Variants in FAM20A observed in about 807,000 individuals in gnomAD.
The protein encoded by FAM20A is FAM20A golgi associated secretory pathway pseudokinase.
FAM20A carries 42 observed loss-of-function variants against 52.0 expected under a neutral mutation model. The ratio of observed to expected loss-of-function variants is 0.81; its 90% confidence interval spans 0.63 to 1.04. FAM20A has a LOEUF of 1.04. FAM20A is among the 50% of genes least tolerant of loss of function. The probability of loss-of-function intolerance (pLI) is 0.00; values close to 1 mark genes in which losing one functional copy is unlikely to be tolerated. For missense variants in FAM20A, 742 were observed against 712.7 expected (o/e 1.04, Z -0.47); for synonymous variants, 304 against 298.9 (o/e 1.02, Z -0.18).
intron 1 of FAM20A, among the ~76,000 whole-genome samples, chr17:68,584,349 A>AAAC (rs139019367): frequency 0.16 from 4,577 of 27,866 alleles, 245 homozygotes; most frequent in African/African-American, 0.32. Context: ...AAACAAAACA[A>AAAC]AAAAAAAACC....
chr17:68,547,117 C>T (rs1193174371), intron 4 of FAM20A, among the ~76,000 whole-genome samples: 3 of 151,960 alleles, frequency 2.0e-5, no homozygotes, highest in African/African-American at 7.3e-5. Flanking sequence ...CTTTGAGGCT[C>T]CATTTAGAGC....
At chr17:68,543,513 TAGAA>T (rs775336241) in intron 5 of FAM20A, 112 bp downstream of exon 5, 54 of 892,448 alleles carry the variant, frequency 6.1e-5, no homozygotes, top group African/African-American at 1.8e-4. Flanking sequence ...ACGAAGAAGA[TAGAA>T]AGCCAGAAGG....
chr17:68,556,416 C>A (rs1036599815), intron 1 of FAM20A, among the ~76,000 whole-genome samples: 1 of 152,130 alleles, frequency 6.6e-6, no homozygotes, highest in Admixed American at 6.6e-5. Flanking sequence ...ATAACCAGAG[C>A]AAAATACAAA....
rs587776914 is a variant in FAM20A at position 68,554,829 on chromosome 17, T to C, written c.590-2A>G. On this transcript the variant is annotated splice_acceptor_variant, in intron 2 of 10. Transcript: ENST00000592554. LOFTEE classifies it high-confidence loss of function. ...AGGCTTTCTCATCTTGACTGTAATC[T>C]GCAAAGGAGGAGAAGGGCAATGAGA... 11 of 1,614,132 alleles carry C rather than the reference T, an allele frequency of 6.8e-6. No individual in the cohort carries two copies. In the East Asian group the frequency reaches 1.3e-4, roughly 20 times the overall value.
rs1335379646 is a variant in FAM20A, at chr17:68,600,617, G to A, written c.50C>T (p.Ala17Val). The change falls in exon 1 of 11, where the codon GCG (alanine) becomes GTG (valine). Residue 17 changes from alanine (A) to valine (V), a missense_variant. Transcript: ENST00000592554. The surrounding 1 kb of genome is among the most constrained non-coding windows in gnomAD (Gnocchi z 6.2). Reference protein sequence around the residue: ...DRLLTLLLLGALLSADLYFHL... With the variant: ...DRLLTLLLLGVLLSADLYFHL... ...GAAGTAGAGGTCGGCGGAGAGCAGC[G>A]CGCCCAGCAGCAGCAGAGTCAGTAG... 1.3e-5 allele frequency: 21 copies of A among 1,562,574 alleles called. No homozygotes were observed. Among genetic ancestry groups the A allele is most frequent in the Non-Finnish European group, 1.6e-5 (19 of 1,158,564 alleles).
intron 4 of FAM20A, among the ~76,000 whole-genome samples, chr17:68,548,209 C>A (rs1162463595): frequency 6.6e-6 from 1 of 152,160 alleles, no homozygotes; most frequent in Non-Finnish European, 1.5e-5. Context: ...GCCTGGCCAA[C>A]ACAGTGAAAC....
At position 68,600,531 on chromosome 17, in the gene FAM20A, A is replaced by ACGGGCACCCCCG; in HGVS notation, c.124_135dup (p.Arg42_Pro45dup). ...GCCAGGGAGGAGGCGCGGCCGGTGC[A>ACGGGCACCCCCG]CGGGCACCCCCGCGGGCGCTCCCGA... On this transcript the variant is annotated inframe_insertion, in exon 1 of 11. Coordinates refer to ENST00000592554, the MANE Select transcript of FAM20A (RefSeq NM_017565.4). The surrounding 1 kb of genome is among the most constrained non-coding windows in gnomAD (Gnocchi z 6.2). 1 of 1,566,448 alleles carries ACGGGCACCCCCG rather than the reference A, an allele frequency of 6.4e-7. No individual in the cohort carries two copies. The highest frequency in any genetic ancestry group is 8.6e-7 in the Non-Finnish European group (1 of 1,156,390).
chr17:68,538,118 T>C (rs905043912), intron 10 of FAM20A, among the ~76,000 whole-genome samples: 1 of 152,260 alleles, frequency 6.6e-6, no homozygotes, highest in African/African-American at 2.4e-5. Flanking sequence ...ATGAGCTATT[T>C]GCTGTCTCAA....
At position 68,600,129 on chromosome 17, in the gene FAM20A, C is replaced by T. The variant is rs1268660386; in HGVS notation, c.404+134G>A. Reference sequence around the variant, plus strand: ...GTTCGGGTGGGGAACACACTCTAAGCCCAGCGCCAGGGCTGGAGCCGTGGG... The same window carrying T: ...GTTCGGGTGGGGAACACACTCTAAGTCCAGCGCCAGGGCTGGAGCCGTGGG... On this transcript the variant is annotated intron_variant, in intron 1 of 10. Coordinates refer to ENST00000592554, the MANE Select transcript of FAM20A (RefSeq NM_017565.4). This position sits in a 1 kb window ranked among gnomAD's most constrained non-coding sequence, Gnocchi z 6.2. The T allele has an allele frequency of 1.8e-6, 2 of 1,082,868 alleles. No homozygotes were observed. The highest frequency in any genetic ancestry group is 2.6e-6 in the Non-Finnish European group (2 of 771,508). 67.1% of individuals were successfully genotyped at this position (1,082,868 alleles called of 1,614,324 possible). A position where few individuals can be genotyped will look rare whatever the true frequency, so the allele number is the denominator to read the frequency against.
In FAM20A at chr17:68,600,160, C is replaced by G; in HGVS notation, c.404+103G>C. The G allele has an allele frequency of 7.4e-7, 1 of 1,356,214 alleles. No individual in the cohort carries two copies. Among genetic ancestry groups the G allele is most frequent in the Non-Finnish European group, 9.9e-7 (1 of 1,012,082 alleles). The allele number at this position is 1,356,214 out of a possible 1,614,324, so 84.0% of individuals were successfully genotyped here. A position where few individuals can be genotyped will look rare whatever the true frequency, so the allele number is the denominator to read the frequency against. On this transcript the variant is annotated intron_variant, in intron 1 of 10. Transcript: ENST00000592554. This position sits in a 1 kb window ranked among gnomAD's most constrained non-coding sequence, Gnocchi z 6.2. ...GCCAGGGCTGGAGCCGTGGGTGGAGCCGCTGCAGCCCTGGGCCGGGGGCGT... is the reference window on the plus strand; with the variant it reads ...GCCAGGGCTGGAGCCGTGGGTGGAGGCGCTGCAGCCCTGGGCCGGGGGCGT...
At chr17:68,585,576 G>A (rs2088144039) in intron 1 of FAM20A, among the ~76,000 whole-genome samples, 1 of 152,070 alleles carries the variant, frequency 6.6e-6, no homozygotes, top group African/African-American at 2.4e-5. Context: ...CACTCAAAGT[G>A]TTTCTGAAAG....
intron 1 of FAM20A, among the ~76,000 whole-genome samples, chr17:68,599,818 TA>T (rs1435504522): frequency 1.3e-5 from 2 of 152,146 alleles, no homozygotes; most frequent in Non-Finnish European, 2.9e-5. Flanking sequence ...AGAGCACAGT[TA>T]AGTGCTGAAT....
intron 10 of FAM20A, among the ~76,000 whole-genome samples, chr17:68,539,022 G>A (rs955207085): frequency 6.6e-6 from 1 of 152,180 alleles, no homozygotes. Context: ...TATGATAACT[G>A]CTTGTAGGCT....
intron 1 of FAM20A, among the ~76,000 whole-genome samples, chr17:68,594,398 CA>C (rs201229338): frequency 0.2 from 24,840 of 125,380 alleles, 2,244 homozygotes; most frequent in East Asian, 0.38. Context: ...GACTCCGTCT[CA>C]AAAAAAAAAA....
intron 1 of FAM20A, among the ~76,000 whole-genome samples, chr17:68,568,592 G>A (rs2087448676): frequency 6.6e-6 from 1 of 151,890 alleles, no homozygotes; most frequent in African/African-American, 2.4e-5. Context: ...GCTTTCTGGA[G>A]ACTCTAGGGG....
rs780660642 is a variant in FAM20A at position 68,539,885 on chromosome 17, C to G, written c.1301G>C (p.Gly434Ala). ...GTTGAACACACGTGGGGAAGCTCAC[C>G]CTCTGGCGTTGTCAAGGTGAATAAG... Reference protein sequence around the residue: ...GFLIHLDNARGFGRHSHDEIS... With the variant: ...GFLIHLDNARAFGRHSHDEIS... The change falls in exon 9 of 11, where the codon GGG (glycine) becomes GCG (alanine). Residue 434 changes from glycine (G) to alanine (A), a missense_variant and splice_region_variant. Transcript: ENST00000592554. The G allele has an allele frequency of 1.7e-5, 28 of 1,613,898 alleles. No homozygotes were observed. The highest frequency in any genetic ancestry group is 2.4e-5 in the Non-Finnish European group (28 of 1,179,908).
In FAM20A at chr17:68,601,206, G is replaced by A. The variant is rs1167804393; in HGVS notation, c.-540C>T. ...TGCCGGCGGCTGGCACGGGCGGCGC[G>A]AGTGGGGAGTTGGCGAAGCAGGAGC... On this transcript the variant is annotated 5_prime_UTR_variant, in exon 1 of 11. Transcript: ENST00000592554. 1 of 152,352 alleles carries A rather than the reference G, an allele frequency of 6.6e-6. No individual in the cohort carries two copies. Among genetic ancestry groups the A allele is most frequent in the Non-Finnish European group, 1.5e-5 (1 of 68,214 alleles). 9.4% of individuals were successfully genotyped at this position (152,352 alleles called of 1,614,324 possible). A position where few individuals can be genotyped will look rare whatever the true frequency, so the allele number is the denominator to read the frequency against.
chr17:68,595,927 C>T (rs1036865901), intron 1 of FAM20A, among the ~76,000 whole-genome samples: 2 of 152,158 alleles, frequency 1.3e-5, no homozygotes, highest in Admixed American at 6.5e-5. Flanking sequence ...AGCTCCTAGA[C>T]GAGGCAATTC....
chr17:68,584,317 A>AAAAACAAAAC (rs908127396), intron 1 of FAM20A, among the ~76,000 whole-genome samples: 3 of 123,040 alleles, frequency 2.4e-5, no homozygotes, highest in South Asian at 2.7e-4. Context: ...ACTCCATCTC[A>AAAAACAAAAC]AAAACAAAAC....
Sources: allele counts gnomAD v4.1 joint callset (sites outside exome capture counted in the v4.1 genomes callset), GRCh38; gene constraint gnomAD v4.1.1; non-coding constraint Gnocchi (gnomAD v3.1); transcripts MANE v1.5; gene names NCBI Gene and HGNC (gene_info 2026-07-23, HGNC 2026-07-21).